IGSF11: variants seen among roughly 807,000 people sequenced by gnomAD.
IGSF11 encodes immunoglobulin superfamily member 11, also known as CXADR like 1.
A neutral mutation model predicts 41.0 loss-of-function variants in IGSF11; 22 were observed. The ratio of observed to expected loss-of-function variants is 0.54; its 90% CI spans 0.38 to 0.77. The LOEUF is 0.77. IGSF11 is among the 30% of genes least tolerant of loss of function. The pLI is 0.00. For synonymous variants in IGSF11, 219 were observed against 201.3 expected (o/e 1.09, Z -0.74); for missense variants, 444 against 530.8 (o/e 0.84, Z 1.61).
At chr3:119,044,092 G>T (rs1941224857) in intron 1 of IGSF11, among the ~76,000 whole-genome samples, 1 of 152,072 alleles carries the variant, frequency 6.6e-6, no homozygotes, top group South Asian at 2.1e-4. Flanking sequence ...AATTCAGAAG[G>T]TCGATTATTA....
intron 1 of IGSF11, among the ~76,000 whole-genome samples, chr3:119,049,214 G>A (rs867384007): frequency 1.3e-5 from 2 of 151,538 alleles, no homozygotes; most frequent in Non-Finnish European, 2.9e-5. Context: ...AATTGTCCCT[G>A]TTTGCAGATG....
intron 1 of IGSF11, among the ~76,000 whole-genome samples, chr3:119,092,001 G>GT (rs1345548403): frequency 6.8e-6 from 1 of 146,856 alleles, no homozygotes; most frequent in African/African-American, 2.5e-5. Context: ...TTTGGGGGGG[G>GT]GGGGTTGGTG....
intron 1 of IGSF11, among the ~76,000 whole-genome samples, chr3:118,975,048 A>C (rs1317054399): frequency 6.6e-6 from 1 of 152,166 alleles, no homozygotes; most frequent in Non-Finnish European, 1.5e-5. Context: ...CCCTCCTTCC[A>C]TGACCAATAT....
In IGSF11 at chr3:118,902,841, A is replaced by T; in HGVS notation, c.975T>A (p.Asn325Lys). ...NAYNSRYWSN[N>K]PKVHRNTESV... The stretch of plus-strand genomic sequence containing the variant: ...ACTCTGTGTTTCTATGAACTTTTGG[A>T]TTGTTGCTCCAGTATCGACTGTTGT... Residue 325 changes from asparagine (N) to lysine (K), a missense_variant, in exon 7 of 7, where the codon AAT (asparagine) becomes AAA (lysine). By Grantham distance (94) the Asn-to-Lys change is moderately conservative. Transcript: ENST00000393775. The T allele has an allele frequency of 6.2e-7, 1 of 1,614,088 alleles. No homozygotes were observed. Among genetic ancestry groups the T allele is most frequent in the South Asian group, 1.1e-5 (1 of 91,084 alleles).
chr3:119,049,910 A>G (rs1941543151), intron 1 of IGSF11, among the ~76,000 whole-genome samples: 1 of 147,692 alleles, frequency 6.8e-6, no homozygotes, highest in Non-Finnish European at 1.5e-5. Context: ...AGGATTCCCT[A>G]TTTAATAAAT....
chr3:118,968,405 C>T (rs996489316), intron 1 of IGSF11, among the ~76,000 whole-genome samples: 1 of 151,914 alleles, frequency 6.6e-6, no homozygotes. Context: ...TCTCTAAAAC[C>T]CAATGGGGAA....
chr3:118,909,749 T>C (rs532524327), intron 4 of IGSF11, among the ~76,000 whole-genome samples: 17 of 152,354 alleles, frequency 1.1e-4, no homozygotes, highest in Admixed American at 7.8e-4. Flanking sequence ...TGGTTTGGCA[T>C]TGAAACAGAT....
At chr3:119,007,218 C>A (rs1576625773) in intron 1 of IGSF11, among the ~76,000 whole-genome samples, 1 of 146,146 alleles carries the variant, frequency 6.8e-6, no homozygotes, top group East Asian at 2.0e-4. Context: ...GTGGGAGTGA[C>A]CCGATTTTCC....
intron 1 of IGSF11, among the ~76,000 whole-genome samples, chr3:119,102,936 C>A (rs148813515): frequency 6.6e-6 from 1 of 151,628 alleles, no homozygotes; most frequent in Admixed American, 6.6e-5. Flanking sequence ...TTCATATTTA[C>A]AGAAGGAGTG....
intron 1 of IGSF11, among the ~76,000 whole-genome samples, chr3:119,113,932 C>T (rs1191600310): frequency 6.6e-6 from 1 of 152,256 alleles, no homozygotes; most frequent in Non-Finnish European, 1.5e-5. Context: ...AGGCTTAACA[C>T]CATGTGGAAA....
chr3:119,025,652 A>G (rs558346023), intron 1 of IGSF11, among the ~76,000 whole-genome samples: 1 of 152,100 alleles, frequency 6.6e-6, no homozygotes, highest in East Asian at 1.9e-4. Context: ...GTTTGACTAT[A>G]CAAAGCCCAT....
At chr3:118,994,564 G>A (rs1359380205) in intron 1 of IGSF11, among the ~76,000 whole-genome samples, 2 of 152,144 alleles carry the variant, frequency 1.3e-5, no homozygotes, top group Admixed American at 1.3e-4. Flanking sequence ...AGGCTGAGAT[G>A]GGAGGATCAC....
At chr3:119,075,899 G>C (rs185538133) in intron 1 of IGSF11, among the ~76,000 whole-genome samples, 421 of 152,182 alleles carry the variant, frequency 2.8e-3, no homozygotes, top group Non-Finnish European at 4.2e-3. Flanking sequence ...TCACAGAACT[G>C]GAAAAAACTA....
chr3:119,077,647 C>G (rs540524924), intron 1 of IGSF11, among the ~76,000 whole-genome samples: 18 of 152,208 alleles, frequency 1.2e-4, no homozygotes, highest in Non-Finnish European at 2.1e-4. Context: ...CTCAACTCTC[C>G]TATTCAACAT....
intron 4 of IGSF11, among the ~76,000 whole-genome samples, chr3:118,923,685 T>TA (rs1283237639): frequency 6.6e-6 from 1 of 152,100 alleles, no homozygotes; most frequent in African/African-American, 2.4e-5. Flanking sequence ...TTGCAAAAAA[T>TA]AAAAAAATTG....
intron 1 of IGSF11, among the ~76,000 whole-genome samples, chr3:118,953,860 A>T (rs1944765205): frequency 6.6e-6 from 1 of 151,476 alleles, no homozygotes; most frequent in Admixed American, 6.6e-5. Context: ...TTGTCAGTTT[A>T]CTCCGCTGAT....
At chr3:119,006,998 G>C (rs369663255) in intron 1 of IGSF11, among the ~76,000 whole-genome samples, 33 of 136,728 alleles carry the variant, frequency 2.4e-4, no homozygotes, top group African/African-American at 6.6e-4. Context: ...CCACCCAGTT[G>C]GAGCTTCCCG....
At chr3:119,090,263 T>G (rs1159710529) in intron 1 of IGSF11, among the ~76,000 whole-genome samples, 1 of 152,192 alleles carries the variant, frequency 6.6e-6, no homozygotes, top group African/African-American at 2.4e-5. Flanking sequence ...AAACATCCCA[T>G]GCTCATGCAT....
At chr3:118,977,265 A>G (rs1934216617) in intron 1 of IGSF11, among the ~76,000 whole-genome samples, 1 of 152,074 alleles carries the variant, frequency 6.6e-6, no homozygotes, top group South Asian at 2.1e-4. Flanking sequence ...GCATAAGTTT[A>G]TTTTTTGAGG....
Sources: allele counts gnomAD v4.1 joint callset (sites outside exome capture counted in the v4.1 genomes callset), GRCh38; gene constraint gnomAD v4.1.1; transcripts MANE v1.5; gene names NCBI Gene and HGNC (gene_info 2026-07-23, HGNC 2026-07-21).